Variants in WWTR1 observed in about 807,000 individuals in gnomAD.
WWTR1 encodes WW domain containing transcription regulator 1.
WWTR1 carries 13 observed loss-of-function variants against 40.1 expected under a neutral mutation model. The observed-to-expected ratio is 0.32, with a 90% CI of 0.21 to 0.52. WWTR1 has a LOEUF of 0.52. Among genes scored for constraint, WWTR1 ranks in the 20% least tolerant of loss-of-function variants. WWTR1 has a pLI of 0.97. For synonymous variants in WWTR1, 230 were observed against 210.1 expected (o/e 1.09, Z -0.82); for missense variants, 436 against 523.1 (o/e 0.83, Z 1.63).
upstream of WWTR1, among the ~76,000 whole-genome samples, chr3:149,708,018 G>A (rs951385815): frequency 6.6e-5 from 10 of 152,042 alleles, no homozygotes; most frequent in East Asian, 1.9e-4. Context: ...GCCCTCTCTC[G>A]TCTAATCAAT....
chr3:149,534,194 A>C lies in WWTR1; in HGVS notation c.772-6225T>G, dbSNP rs141978948. 2.6e-5 allele frequency among the ~76,000 whole-genome samples: 4 copies of C among 152,266 alleles called. No homozygotes were observed. The East Asian group carries it at 7.7e-4, about 29-fold the overall frequency. ...AAAAAAAAAGAAAGAAAAAGAAAAG[A>C]AAAGAAAAGAAAAACGTGTTATTTC... On this transcript the variant is annotated intron_variant, in intron 4 of 6. Coordinates refer to ENST00000360632, the MANE Select transcript of WWTR1 (RefSeq NM_015472.6).
intron 3 of WWTR1, among the ~76,000 whole-genome samples, chr3:149,546,211 A>G (rs1236133581): frequency 6.6e-6 from 1 of 152,208 alleles, no homozygotes. Context: ...AACATCTCTC[A>G]TTATTAACTG....
chr3:149,644,378 C>G (rs776592203), intron 2 of WWTR1, among the ~76,000 whole-genome samples: 1 of 152,182 alleles, frequency 6.6e-6, no homozygotes, highest in Admixed American at 6.5e-5. Flanking sequence ...CAGTCACTAC[C>G]TGTGCTTCTG....
At chr3:149,545,813 G>A (rs1198356656) in intron 3 of WWTR1, among the ~76,000 whole-genome samples, 2 of 152,118 alleles carry the variant, frequency 1.3e-5, no homozygotes, top group South Asian at 2.1e-4. Flanking sequence ...GAGCCACCGC[G>A]CCCAGCCCTA....
At position 149,603,554 on chromosome 3, in the gene WWTR1, C is replaced by CCCCCCCG. The variant is rs1397678075; in HGVS notation, c.432-30555_432-30554insCGGGGGG. ...ATTTAGTTACAAAGGTTCCCCACCC[C>CCCCCCCG]CCCCTTGTACTCCACTCTAATTACA... On this transcript the variant is annotated intron_variant, in intron 2 of 6. Coordinates refer to ENST00000360632, the MANE Select transcript of WWTR1 (RefSeq NM_015472.6). 2.8e-4 allele frequency among the ~76,000 whole-genome samples: 41 copies of CCCCCCCG among 146,522 alleles called. No homozygotes were observed. In the East Asian group the frequency reaches 3.0e-3, roughly 11 times the overall value.
intron 6 of WWTR1, among the ~76,000 whole-genome samples, chr3:149,521,963 A>G (rs1453003554): frequency 1.3e-5 from 2 of 152,226 alleles, no homozygotes; most frequent in African/African-American, 2.4e-5. Flanking sequence ...GGTGTCATTG[A>G]TATATACAAA....
chr3:149,605,421 C>G (rs932314768), intron 2 of WWTR1, among the ~76,000 whole-genome samples: 1 of 151,888 alleles, frequency 6.6e-6, no homozygotes, highest in East Asian at 1.9e-4. Flanking sequence ...ATGTATGAGG[C>G]GGGACTGAGA....
intron 2 of WWTR1, among the ~76,000 whole-genome samples, chr3:149,584,854 A>C (rs1738337023): frequency 6.6e-6 from 1 of 152,224 alleles, no homozygotes; most frequent in African/African-American, 2.4e-5. Context: ...CATCCATTAC[A>C]TGAGGCTGTT....
intron 4 of WWTR1, among the ~76,000 whole-genome samples, chr3:149,530,400 A>AT (rs1444745808): frequency 6.6e-6 from 1 of 152,098 alleles, no homozygotes; most frequent in Non-Finnish European, 1.5e-5. Context: ...GGAGTTCTAA[A>AT]TTTATATATG....
intron 3 of WWTR1, among the ~76,000 whole-genome samples, chr3:149,543,580 C>CA (rs755442408): frequency 0.099 from 3,088 of 31,174 alleles, 395 homozygotes; most frequent in Middle Eastern, 0.19. Flanking sequence ...GACTCTGTCT[C>CA]AAAAAAAAAA....
intron 1 of WWTR1, among the ~76,000 whole-genome samples, chr3:149,670,241 C>T (rs1173988756): frequency 6.6e-6 from 1 of 152,186 alleles, no homozygotes; most frequent in Non-Finnish European, 1.5e-5. Flanking sequence ...AGCATTTACC[C>T]ACATGGTTTT....
chr3:149,586,945 T>C (rs1283687923), intron 2 of WWTR1, among the ~76,000 whole-genome samples: 1 of 152,210 alleles, frequency 6.6e-6, no homozygotes, highest in African/African-American at 2.4e-5. Flanking sequence ...TCCAAGTACC[T>C]TGTCCTATGT....
chr3:149,690,574 A>G (rs1714790526), intron 1 of WWTR1, among the ~76,000 whole-genome samples: 1 of 152,178 alleles, frequency 6.6e-6, no homozygotes, highest in African/African-American at 2.4e-5. Context: ...AACAATTATA[A>G]ATATATACAT....
intron 2 of WWTR1, among the ~76,000 whole-genome samples, chr3:149,585,425 G>A (rs969060523): frequency 6.6e-6 from 1 of 152,182 alleles, no homozygotes; most frequent in African/African-American, 2.4e-5. Flanking sequence ...ATGAGCCACT[G>A]CACCTGGCTG....
At chr3:149,713,364 ATTAAT>A (rs997220495) in intron 5 of WWTR1, among the ~76,000 whole-genome samples, 2 of 150,924 alleles carry the variant, frequency 1.3e-5, no homozygotes, top group Non-Finnish European at 2.9e-5. Flanking sequence ...ATTTTATTTT[ATTAAT>A]TTATTTATTT....
At chr3:149,524,541 G>T (rs559418847) in intron 6 of WWTR1, among the ~76,000 whole-genome samples, 2 of 152,196 alleles carry the variant, frequency 1.3e-5, no homozygotes, top group African/African-American at 4.8e-5. Context: ...AAGGTGGCAG[G>T]GGGTGGTGGT....
At chr3:149,586,010 T>A (rs1045927131) in intron 2 of WWTR1, among the ~76,000 whole-genome samples, 2 of 152,194 alleles carry the variant, frequency 1.3e-5, no homozygotes, top group Non-Finnish European at 2.9e-5. Flanking sequence ...ACAGTAAGTA[T>A]CTTTGTACCC....
rs1426536830 is a variant in WWTR1 at position 149,520,605 on chromosome 3, A to G, written c.*200T>C. 5 of 440,248 alleles carry G rather than the reference A, an allele frequency of 1.1e-5. No individual in the cohort carries two copies. Among genetic ancestry groups the G allele is most frequent in the Non-Finnish European group, 1.6e-5 (4 of 256,022 alleles). The allele number at this position is 440,248 out of a possible 1,614,324, so 27.3% of individuals were successfully genotyped here. ...GAACGCAGGCTTGCAGAAAATGAAA[A>G]TAGAATATTTATTTATGTTTAACTT... On this transcript the variant is annotated 3_prime_UTR_variant, in exon 7 of 7. Transcript: ENST00000360632.
At chr3:149,667,901 T>G (rs1235257467) in intron 2 of WWTR1, among the ~76,000 whole-genome samples, 1 of 152,134 alleles carries the variant, frequency 6.6e-6, no homozygotes, top group Non-Finnish European at 1.5e-5. Flanking sequence ...AAAAGAGAAT[T>G]AAAACATCTT....
Sources: gnomAD v4.1 joint callset for allele counts (sites outside exome capture counted in the v4.1 genomes callset) on GRCh38, gnomAD v4.1.1 for gene constraint, MANE v1.5 for transcripts, NCBI Gene and HGNC (gene_info 2026-07-23, HGNC 2026-07-21) for gene names.